Variants in NPSR1 observed in about 807,000 individuals in gnomAD.
NPSR1 encodes the protein neuropeptide S receptor 1.
In NPSR1, 48 loss-of-function variants were observed where a neutral mutation model predicts 46.9. The observed-to-expected ratio is 1.02, with a 90% CI of 0.81 to 1.30. NPSR1 has a LOEUF of 1.30. Among genes scored for constraint, NPSR1 ranks in the 50% most tolerant of loss-of-function variants. The probability of loss-of-function intolerance (pLI) is 0.00; values close to 1 mark genes in which losing one functional copy is unlikely to be tolerated. For synonymous variants in NPSR1, 176 were observed against 168.1 expected (o/e 1.05, Z -0.36); for missense variants, 450 against 449.5 (o/e 1.00, Z -0.01).
At chr7:34,841,278 C>T (rs1790556047) in intron 6 of NPSR1, among the ~76,000 whole-genome samples, 1 of 152,186 alleles carries the variant, frequency 6.6e-6, no homozygotes, top group South Asian at 2.1e-4. Context: ...CCAATTGCTC[C>T]CACTTCAGGT....
intron 3 of NPSR1, among the ~76,000 whole-genome samples, chr7:34,778,980 T>C (rs1351647088): frequency 3.3e-5 from 5 of 152,220 alleles, no homozygotes; most frequent in African/African-American, 9.6e-5. Flanking sequence ...CCATTAACTA[T>C]TGAATTACTG....
intron 2 of NPSR1, among the ~76,000 whole-genome samples, chr7:34,756,488 T>G (rs1274276266): frequency 1.3e-5 from 2 of 152,132 alleles, no homozygotes; most frequent in Admixed American, 6.5e-5. Flanking sequence ...GCCCAGATAT[T>G]AAATATTTTA....
intron 2 of NPSR1, among the ~76,000 whole-genome samples, chr7:34,776,779 A>G (rs765414258): frequency 7.2e-5 from 11 of 152,258 alleles, no homozygotes; most frequent in South Asian, 4.1e-4. Context: ...TTAGCAGGTG[A>G]TGAATGTTGC....
At chr7:34,771,787 T>G (rs1328936205) in intron 2 of NPSR1, among the ~76,000 whole-genome samples, 1 of 152,208 alleles carries the variant, frequency 6.6e-6, no homozygotes, top group African/African-American at 2.4e-5. Flanking sequence ...CCTTTCTTAT[T>G]TTGTTCATCT....
At chr7:34,724,260 AG>A (rs1395130113) in intron 2 of NPSR1, among the ~76,000 whole-genome samples, 1 of 152,266 alleles carries the variant, frequency 6.6e-6, no homozygotes, top group Non-Finnish European at 1.5e-5. Context: ...AAACAGATTC[AG>A]AAAAATAAAC....
chr7:34,785,880 G>C (rs1220761509), intron 3 of NPSR1, among the ~76,000 whole-genome samples: 1 of 151,986 alleles, frequency 6.6e-6, no homozygotes, highest in Non-Finnish European at 1.5e-5. Flanking sequence ...ATACTTAATG[G>C]CTAAAATAAA....
intron 2 of NPSR1, among the ~76,000 whole-genome samples, chr7:34,768,737 T>G (rs1242273690): frequency 6.6e-6 from 1 of 152,220 alleles, no homozygotes; most frequent in Non-Finnish European, 1.5e-5. Flanking sequence ...TTTAGATTAG[T>G]TAGGAAACTG....
chr7:34,834,472 C>T lies in NPSR1; in HGVS notation c.757+12C>T, dbSNP rs746329109. On this transcript the variant is annotated intron_variant, in intron 6 of 8. Coordinates refer to ENST00000360581, the MANE Select transcript of NPSR1 (RefSeq NM_207172.2). ...TTCCAACTGCTCAGGTAAGTCTCTA[C>T]TCTGCATGGCCCAATTCTTGGCTAA... 1.1e-5 allele frequency: 18 copies of T among 1,579,258 alleles called. No individual in the cohort carries two copies. The highest frequency in any genetic ancestry group is 1.6e-5 in the Non-Finnish European group (18 of 1,148,528).
chr7:34,761,589 C>T (rs1000223413), intron 2 of NPSR1, among the ~76,000 whole-genome samples: 3 of 152,158 alleles, frequency 2.0e-5, no homozygotes, highest in African/African-American at 7.2e-5. Flanking sequence ...ACTTCCATCT[C>T]AGCCTGCTAC....
intron 8 of NPSR1, among the ~76,000 whole-genome samples, chr7:34,868,558 C>T (rs1178529231): frequency 2.0e-5 from 3 of 151,628 alleles, no homozygotes; most frequent in African/African-American, 4.9e-5. Context: ...GTAGTGTCTA[C>T]GCTTGTCCAG....
chr7:34,827,042 C>T (rs998594753), intron 4 of NPSR1, among the ~76,000 whole-genome samples: 5 of 152,204 alleles, frequency 3.3e-5, no homozygotes, highest in African/African-American at 1.2e-4. Flanking sequence ...TATGGGTAGA[C>T]ACAACTCAGC....
intron 8 of NPSR1, among the ~76,000 whole-genome samples, chr7:34,871,980 G>A (rs1791465329): frequency 6.6e-6 from 1 of 151,848 alleles, no homozygotes; most frequent in South Asian, 2.1e-4. Flanking sequence ...CAGTGTCCCA[G>A]TGGGGACTCT....
At chr7:34,760,300 A>AC (rs1274699540) in intron 2 of NPSR1, among the ~76,000 whole-genome samples, 1 of 152,226 alleles carries the variant, frequency 6.6e-6, no homozygotes, top group Non-Finnish European at 1.5e-5. Context: ...TTGCATCAGC[A>AC]CCAACAACAG....
At chr7:34,814,382 G>A (rs938050021) in intron 4 of NPSR1, among the ~76,000 whole-genome samples, 2 of 152,246 alleles carry the variant, frequency 1.3e-5, no homozygotes, top group African/African-American at 4.8e-5. Context: ...TAAACAAAGT[G>A]GCCCGGCAGC....
intron 2 of NPSR1, among the ~76,000 whole-genome samples, chr7:34,688,353 G>A (rs1793045951): frequency 6.6e-6 from 1 of 152,164 alleles, no homozygotes; most frequent in African/African-American, 2.4e-5. Flanking sequence ...AGATAACGAA[G>A]AGTTGCACAA....
At chr7:34,856,932 C>G (rs780492197) in intron 8 of NPSR1, among the ~76,000 whole-genome samples, 2 of 151,500 alleles carry the variant, frequency 1.3e-5, no homozygotes, top group East Asian at 3.9e-4. Context: ...TCTCTTCTAG[C>G]ATCTGCTGAT....
At chr7:34,817,905 A>T (rs992803701) in intron 4 of NPSR1, among the ~76,000 whole-genome samples, 4 of 152,246 alleles carry the variant, frequency 2.6e-5, no homozygotes, top group African/African-American at 9.6e-5. Context: ...CTAGGTATTG[A>T]TTGAACATAT....
chr7:34,735,082 G>A (rs1784606358), intron 2 of NPSR1, among the ~76,000 whole-genome samples: 2 of 152,226 alleles, frequency 1.3e-5, no homozygotes, highest in African/African-American at 4.8e-5. Context: ...AGGAGAAAGA[G>A]AGTCACCACC....
At chr7:34,852,792 C>T, downstream of NPSR1, among the ~76,000 whole-genome samples, 1 of 152,184 alleles carries the variant, frequency 6.6e-6, no homozygotes, top group African/African-American at 2.4e-5. Flanking sequence ...ACTTCCTGCA[C>T]CAAGATGTCA....
Sources: gnomAD v4.1 joint callset for allele counts (sites outside exome capture counted in the v4.1 genomes callset) on GRCh38, gnomAD v4.1.1 for gene constraint, MANE v1.5 for transcripts, NCBI Gene and HGNC (gene_info 2026-07-23, HGNC 2026-07-21) for gene names.